Variants in TOM1L2 observed in about 807,000 individuals in gnomAD.
TOM1L2 encodes target of myb1 like 2 membrane trafficking protein, also known as TOM1-like protein 2.
TOM1L2 carries 31 observed loss-of-function variants against 67.9 expected under a neutral mutation model. The observed-to-expected ratio is 0.46, with a 90% CI of 0.34 to 0.62. The LOEUF (loss-of-function observed/expected upper bound fraction) is 0.62. Among genes scored for constraint, TOM1L2 ranks in the 20% least tolerant of loss-of-function variants. The pLI is 0.01. For missense variants in TOM1L2, 606 were observed against 663.5 expected (o/e 0.91, Z 0.95); for synonymous variants, 256 against 254.0 (o/e 1.01, Z -0.07).
intron 7 of TOM1L2, among the ~76,000 whole-genome samples, chr17:17,875,014 T>G (rs1310394397): frequency 1.3e-5 from 2 of 152,104 alleles, no homozygotes; most frequent in Admixed American, 6.5e-5. Context: ...CTCAGCACTT[T>G]GAGAGGCCGA....
At chr17:17,937,851 C>G (rs1191401447) in intron 1 of TOM1L2, among the ~76,000 whole-genome samples, 1 of 152,144 alleles carries the variant, frequency 6.6e-6, no homozygotes, top group Non-Finnish European at 1.5e-5. Context: ...ACACTGGGCT[C>G]CAAATCATAG....
At position 17,847,596 on chromosome 17, in the gene TOM1L2, C is replaced by G; in HGVS notation, c.*39G>C. The G allele has an allele frequency of 6.4e-7, 1 of 1,571,276 alleles. No homozygotes were observed. The highest frequency in any genetic ancestry group is 1.2e-5 in the South Asian group (1 of 83,476). On this transcript the variant is annotated 3_prime_UTR_variant, in exon 15 of 15. Coordinates refer to ENST00000379504, the MANE Select transcript of TOM1L2 (RefSeq NM_001082968.2). ...GTGCCCGGTGTCCACGGGGTGCGAG[C>G]GGGGACCCGCCATCTGGGGAGGCAA... is the stretch of plus-strand genomic sequence containing the variant.
intron 12 of TOM1L2, chr17:17,858,552 A>T (rs1008810225): frequency 1.3e-5 from 2 of 152,158 alleles, no homozygotes; most frequent in African/African-American, 4.8e-5. Flanking sequence ...AGTGGCTGGG[A>T]TTACAGGTAC....
intron 3 of TOM1L2, among the ~76,000 whole-genome samples, chr17:17,895,138 C>A (rs2038500454): frequency 6.6e-6 from 1 of 152,102 alleles, no homozygotes; most frequent in Non-Finnish European, 1.5e-5. Flanking sequence ...AGGTATGTAG[C>A]CTCTTGGAAT....
chr17:17,888,831 C>G (rs902334670), intron 4 of TOM1L2, among the ~76,000 whole-genome samples: 1 of 152,206 alleles, frequency 6.6e-6, no homozygotes, highest in African/African-American at 2.4e-5. Context: ...GTGGGAGCAT[C>G]CTTTTTGTCT....
In TOM1L2 at chr17:17,879,753, G is replaced by A. The variant is rs1490338835; in HGVS notation, c.661-10C>T. The A allele has an allele frequency of 6.2e-7, 1 of 1,609,636 alleles. No homozygotes were observed. Among genetic ancestry groups the A allele is most frequent in the South Asian group, 1.1e-5 (1 of 90,986 alleles). ...TCCGCAGCCTGGCAATCTGGTGGGG[G>A]CCACGAGGAAGGAAAGCAGGAAGGA... On this transcript the variant is annotated splice_polypyrimidine_tract_variant and intron_variant, in intron 6 of 14. Transcript: ENST00000379504.
rs574239650 is a variant in TOM1L2 at position 17,923,239 on chromosome 17, A to G, written c.53-15708T>C. 4.6e-5 allele frequency among the ~76,000 whole-genome samples: 7 copies of G among 152,266 alleles called. No individual in the cohort carries two copies. The East Asian group carries it at 1.4e-3, about 29-fold the overall frequency. On this transcript the variant is annotated intron_variant, in intron 1 of 14. Coordinates refer to ENST00000379504, the MANE Select transcript of TOM1L2 (RefSeq NM_001082968.2). The stretch of plus-strand genomic sequence containing the variant: ...TTGATGAAATCCTGGTCTCTACTAA[A>G]CATACAAAAAAATTAGCCAGGCGTG...
chr17:17,905,321 G>A (rs2039043311), intron 2 of TOM1L2, among the ~76,000 whole-genome samples: 1 of 152,178 alleles, frequency 6.6e-6, no homozygotes, highest in African/African-American at 2.4e-5. Flanking sequence ...AAGATCTACT[G>A]CTGATCTCTG....
intron 10 of TOM1L2, among the ~76,000 whole-genome samples, chr17:17,865,013 A>G (rs1195555288): frequency 6.6e-6 from 1 of 152,228 alleles, no homozygotes; most frequent in Non-Finnish European, 1.5e-5. Flanking sequence ...AAAGCAAGAC[A>G]GAGGAAAGAA....
At chr17:17,856,736 T>C (rs971813943) in intron 12 of TOM1L2, among the ~76,000 whole-genome samples, 7 of 152,230 alleles carry the variant, frequency 4.6e-5, no homozygotes, top group Admixed American at 2.0e-4. Context: ...TACCACAGCT[T>C]TGGGCTCTGC....
Position 17,936,047 on chromosome 17 carries a change from G to A in TOM1L2, c.53-28516C>T, listed in dbSNP as rs542900421. 4.4e-4 allele frequency among the ~76,000 whole-genome samples: 67 copies of A among 152,262 alleles called. 1 individual carries two copies. The highest frequency in any genetic ancestry group is 1.9e-3 in the Admixed American group (29 of 15,292). On this transcript the variant is annotated intron_variant, in intron 1 of 14. Transcript: ENST00000379504. ...TGGCCTGCATTTATAGCTCCTTTACGGTTTCCCACTGCTGTTAGGACAAAG... is the reference window on the plus strand; with the variant it reads ...TGGCCTGCATTTATAGCTCCTTTACAGTTTCCCACTGCTGTTAGGACAAAG...
chr17:17,915,554 A>C (rs893455736), intron 1 of TOM1L2, among the ~76,000 whole-genome samples: 2 of 151,986 alleles, frequency 1.3e-5, no homozygotes, highest in African/African-American at 4.8e-5. Context: ...GTCACCTAGA[A>C]TGGAGTGCAG....
chr17:17,897,640 G>A (rs1438215317), intron 3 of TOM1L2, among the ~76,000 whole-genome samples: 1 of 152,056 alleles, frequency 6.6e-6, no homozygotes, highest in African/African-American at 2.4e-5. Flanking sequence ...GTTCCTTCCT[G>A]AAAAAAATCA....
At chr17:17,899,556 G>A (rs2038743295) in intron 2 of TOM1L2, among the ~76,000 whole-genome samples, 1 of 152,212 alleles carries the variant, frequency 6.6e-6, no homozygotes, top group Admixed American at 6.5e-5. Context: ...CATATTACAT[G>A]TAGGTCTTGT....
At chr17:17,939,651 T>C (rs779468648) in intron 1 of TOM1L2, among the ~76,000 whole-genome samples, 24 of 152,360 alleles carry the variant, frequency 1.6e-4, no homozygotes, top group South Asian at 2.1e-4. Flanking sequence ...AGAAGTTCAT[T>C]ATACTATTCT....
chr17:17,866,119 A>G (rs1481179210), intron 10 of TOM1L2, among the ~76,000 whole-genome samples, 177 bp downstream of exon 10: 1 of 152,092 alleles, frequency 6.6e-6, no homozygotes, highest in African/African-American at 2.4e-5. Flanking sequence ...ATTTAGGGGG[A>G]AAAAAGGTAT....
chr17:17,958,918 A>T (rs1008676125), intron 1 of TOM1L2, among the ~76,000 whole-genome samples: 8 of 152,216 alleles, frequency 5.3e-5, no homozygotes, highest in African/African-American at 1.9e-4. Context: ...TTAATCACTC[A>T]TGCCCACATA....
In TOM1L2 at chr17:17,972,381, G is replaced by T. The variant is rs575723523; in HGVS notation, c.-68C>A. 6.5e-7 allele frequency: 1 copy of T among 1,543,828 alleles called. No individual in the cohort carries two copies. The highest frequency in any genetic ancestry group is 8.7e-7 in the Non-Finnish European group (1 of 1,142,954). On this transcript the variant is annotated 5_prime_UTR_variant, in exon 1 of 15. Transcript: ENST00000379504. Reference sequence around the variant, plus strand: ...ACCTAGGCCTCCGCTGTAACCCGCCGGACTCCCGTCCTGACTGACACTTGC... The same window carrying T: ...ACCTAGGCCTCCGCTGTAACCCGCCTGACTCCCGTCCTGACTGACACTTGC...
chr17:17,866,508 A>G lies in TOM1L2; in HGVS notation c.961-89T>C, dbSNP rs1209620730. ...TGGCAAGGCAACTATGCAGGGTTCC[A>G]AGAAGAAAAGTATCAGCGCTGCTCT... On this transcript the variant is annotated intron_variant, in intron 9 of 14. Transcript: ENST00000379504. The G allele has an allele frequency of 2.1e-6, 3 of 1,449,444 alleles. No individual in the cohort carries two copies. The East Asian group carries it at 7.5e-5, about 36-fold the overall frequency. 89.8% of individuals were successfully genotyped at this position (1,449,444 alleles called of 1,614,324 possible). A position where few individuals can be genotyped will look rare whatever the true frequency, so the allele number is the denominator to read the frequency against.
Sources: allele counts gnomAD v4.1 joint callset (sites outside exome capture counted in the v4.1 genomes callset), GRCh38; gene constraint gnomAD v4.1.1; transcripts MANE v1.5; gene names NCBI Gene and HGNC (gene_info 2026-07-23, HGNC 2026-07-21).